DEFB119: variants seen among roughly 807,000 people sequenced by gnomAD.
DEFB119 encodes the protein defensin beta 119, also known as beta-defensin 119.
A neutral mutation model predicts 2.5 loss-of-function variants in DEFB119; 3 were observed. The observed-to-expected ratio is 1.19, with a 90% CI of 0.54 to 3.07. The LOEUF is 3.07. Ranked by LOEUF, DEFB119 falls within the 30% of genes most tolerant of loss-of-function variation. The pLI, the probability that DEFB119 is intolerant of heterozygous loss-of-function variation, is 0.03. For missense variants in DEFB119, 113 were observed against 101.1 expected, an observed-to-expected ratio of 1.12 and a Z score of -0.50; for synonymous variants, 29 against 33.7, an observed-to-expected ratio of 0.86 and a Z score of 0.48.
At chr20:31,388,078 T>A (rs1277431830) in intron 1 of DEFB119, 1 of 985,302 alleles carries the variant, frequency 1.0e-6, no homozygotes, top group East Asian at 1.1e-4. Flanking sequence ...GTTGGTTAAA[T>A]GGGGCCCAGA....
chr20:31,378,237 G>GTGGCCCTGT, intron 1 of DEFB119: 13 of 1,514,438 alleles, frequency 8.6e-6, no homozygotes, highest in Non-Finnish European at 1.2e-5. Flanking sequence ...CCACACAGTA[G>GTGGCCCTGT]TAACAGGGCC....
chr20:31,381,549 A>G (rs555343497), intron 1 of DEFB119, among the ~76,000 whole-genome samples: 1 of 152,372 alleles, frequency 6.6e-6, no homozygotes, highest in Admixed American at 6.5e-5. Context: ...CACAGTGCTC[A>G]CGCCTGTAAT....
At chr20:31,383,204 AT>A (rs898001956) in intron 1 of DEFB119, among the ~76,000 whole-genome samples, 1 of 152,146 alleles carries the variant, frequency 6.6e-6, no homozygotes, top group African/African-American at 2.4e-5. Flanking sequence ...TAATTGAATC[AT>A]GGGAGTAGGT....
At chr20:31,383,746 G>GA (rs1201767934) in intron 1 of DEFB119, among the ~76,000 whole-genome samples, 1 of 152,014 alleles carries the variant, frequency 6.6e-6, no homozygotes, top group Non-Finnish European at 1.5e-5. Flanking sequence ...GGGAGGCTGA[G>GA]ACAGGAGAGT....
chr20:31,384,727 T>C (rs896432030), intron 1 of DEFB119, among the ~76,000 whole-genome samples: 8 of 152,206 alleles, frequency 5.3e-5, no homozygotes, highest in Admixed American at 5.2e-4. Context: ...TCTGACATTA[T>C]CCTCCCTAAA....
chr20:31,390,128 C>T (rs147106441), intron 1 of DEFB119, among the ~76,000 whole-genome samples: 3 of 152,078 alleles, frequency 2.0e-5, no homozygotes, highest in African/African-American at 7.2e-5. Flanking sequence ...TCTAGTCTCC[C>T]GAAGTCCTCA....
At chr20:31,387,191 G>T (rs1272254024) in intron 1 of DEFB119, among the ~76,000 whole-genome samples, 3 of 152,162 alleles carry the variant, frequency 2.0e-5, no homozygotes, top group Non-Finnish European at 4.4e-5. Context: ...TGATGGATAT[G>T]CTAATTACCC....
At chr20:31,380,209 A>C (rs563752582) in intron 1 of DEFB119, among the ~76,000 whole-genome samples, 1 of 152,196 alleles carries the variant, frequency 6.6e-6, no homozygotes, top group East Asian at 1.9e-4. Context: ...GTTTTTTCCC[A>C]TGCTTTCTTC....
At position 31,377,358 on chromosome 20, in the gene DEFB119, T is replaced by TA. The variant is rs777745627; in HGVS notation, c.142dup (p.Tyr48LeufsTer30). 1 of 1,614,018 alleles carries TA rather than the reference T, an allele frequency of 6.2e-7. No homozygotes were observed. Among genetic ancestry groups the TA allele is most frequent in the East Asian group, 2.2e-5 (1 of 44,896 alleles). On this transcript the variant is annotated frameshift_variant, in exon 2 of 2. Transcript: ENST00000376321. LOFTEE classifies it low-confidence loss of function (END_TRUNC). ...GCAGCAGGACTGACAATTTCTGCAA[T>TA]AGAGGTAGGGCTGTTCGTTCTTTTT...
At chr20:31,388,773 C>T (rs1986806837) in intron 1 of DEFB119, among the ~76,000 whole-genome samples, 1 of 152,138 alleles carries the variant, frequency 6.6e-6, no homozygotes, top group Non-Finnish European at 1.5e-5. Flanking sequence ...CCATGTTCTC[C>T]CCAGTCCACT....
intron 1 of DEFB119, among the ~76,000 whole-genome samples, chr20:31,378,646 G>T (rs532432332): frequency 6.6e-6 from 1 of 152,296 alleles, no homozygotes; most frequent in African/African-American, 2.4e-5. Flanking sequence ...ATTTAACCAT[G>T]TGTCTGCTGA....
intron 1 of DEFB119, chr20:31,388,960 A>G (rs1986815704): frequency 1.3e-6 from 2 of 1,582,094 alleles, no homozygotes; most frequent in East Asian, 4.6e-5. Context: ...ATTGACAGAC[A>G]CCAGAAACAA....
chr20:31,384,749 T>C (rs146826988), intron 1 of DEFB119, among the ~76,000 whole-genome samples: 56 of 152,322 alleles, frequency 3.7e-4, no homozygotes, highest in African/African-American at 1.3e-3. Flanking sequence ...ACGTGAAATG[T>C]AGACTTTTAA....
intron 1 of DEFB119, among the ~76,000 whole-genome samples, chr20:31,386,396 C>G (rs532660407): frequency 1.3e-5 from 2 of 152,102 alleles, no homozygotes; most frequent in East Asian, 3.9e-4. Flanking sequence ...CTGAAGTGGG[C>G]TGAAAAATAG....
At chr20:31,378,147 G>A (rs78983916) in intron 1 of DEFB119, among the ~76,000 whole-genome samples, 82 of 152,304 alleles carry the variant, frequency 5.4e-4, no homozygotes, top group Non-Finnish European at 1.1e-3. Flanking sequence ...CCTATCTGGT[G>A]GGAAGAAGGC....
intron 1 of DEFB119, chr20:31,389,334 A>T: frequency 6.7e-7 from 1 of 1,488,490 alleles, no homozygotes; most frequent in Non-Finnish European, 9.2e-7. Context: ...AAGAGAAGAA[A>T]GCCAGCTGAG....
intron 1 of DEFB119, among the ~76,000 whole-genome samples, chr20:31,383,511 G>A (rs1986575226): frequency 7.0e-6 from 1 of 143,858 alleles, no homozygotes; most frequent in African/African-American, 2.7e-5. Flanking sequence ...TCCAGCCTGG[G>A]CAACAGAACA....
chr20:31,382,643 G>T (rs1305298230), intron 1 of DEFB119, among the ~76,000 whole-genome samples: 4 of 152,212 alleles, frequency 2.6e-5, no homozygotes, highest in Non-Finnish European at 5.9e-5. Context: ...CAGCCCAGAA[G>T]TTTCTCCACC....
At chr20:31,377,484 G>T (rs1384850241) in intron 1 of DEFB119, 45 bp from the exon 2 acceptor site, 3 of 1,561,536 alleles carry the variant, frequency 1.9e-6, no homozygotes, top group African/African-American at 2.7e-5. Context: ...ACCTAGGAGT[G>T]ACATAAATCT....
Sources: allele counts gnomAD v4.1 joint callset (sites outside exome capture counted in the v4.1 genomes callset), GRCh38; gene constraint gnomAD v4.1.1; transcripts MANE v1.5; gene names NCBI Gene and HGNC (gene_info 2026-07-23, HGNC 2026-07-21).